The following MYOM1 variants were observed in gnomAD, a reference collection of about 807,000 sequenced individuals.
MYOM1 encodes the protein myomesin 1, also known as myomesin-1.
A neutral mutation model predicts 205.3 loss-of-function variants in MYOM1; 164 were observed. That is an observed-to-expected ratio of 0.80 (90% CI 0.70 to 0.91). The LOEUF (loss-of-function observed/expected upper bound fraction) is 0.91. Among genes scored for constraint, MYOM1 ranks in the 40% least tolerant of loss-of-function variants. The pLI is 0.00. For missense variants in MYOM1, 2,011 were observed against 2,127.3 expected (o/e 0.95, Z 1.08); for synonymous variants, 772 against 789.4 (o/e 0.98, Z 0.37).
Position 3,170,056 on chromosome 18 carries a change from A to G in MYOM1, c.1175-1075T>C, listed in dbSNP as rs180869464. Among the ~76,000 whole-genome samples, 3 of 152,236 alleles carry G rather than the reference A, an allele frequency of 2.0e-5. 1 individual carries two copies. The highest frequency in any genetic ancestry group is 4.4e-5 in the Non-Finnish European group (3 of 68,040). On this transcript the variant is annotated intron_variant, in intron 8 of 37. Transcript: ENST00000356443. ...AAGTAAGCCAGGCACAGAAGAACCGATATCATGTGTTCTCACTCAAATGTG... is the reference window on the plus strand; with the variant it reads ...AAGTAAGCCAGGCACAGAAGAACCGGTATCATGTGTTCTCACTCAAATGTG...
intron 2 of MYOM1, among the ~76,000 whole-genome samples, chr18:3,207,065 T>C (rs191514168): frequency 6.6e-6 from 1 of 152,336 alleles, no homozygotes; most frequent in Non-Finnish European, 1.5e-5. Context: ...TATTGCTTTA[T>C]TTTTTCCATG....
Position 3,151,854 on chromosome 18 carries a change from G to A in MYOM1, c.1683C>T (p.Asp561=). The A allele has an allele frequency of 6.2e-7, 1 of 1,613,436 alleles. No individual in the cohort carries two copies. Among genetic ancestry groups the A allele is most frequent in the South Asian group, 1.1e-5 (1 of 91,026 alleles). ...VGTDSWSQCN[D]TPVKFARFPV... ...GAAAACGAGCAAACTTCACAGGTGT[G>A]TCATTGCACTGCGACCAGCTATCTG... is the stretch of plus-strand genomic sequence containing the variant. The change falls in exon 12 of 38, where the codon GAC becomes GAT. Residue 561 remains aspartate (D), a synonymous_variant. Transcript: ENST00000356443.
Position 3,189,683 on chromosome 18 carries a change from T to C in MYOM1, c.432-596A>G, listed in dbSNP as rs1246181721. Among the ~76,000 whole-genome samples, 1 of 152,232 alleles carries C rather than the reference T, an allele frequency of 6.6e-6. No individual in the cohort carries two copies. On this transcript the variant is annotated intron_variant, in intron 3 of 37. Coordinates refer to ENST00000356443, the MANE Select transcript of MYOM1 (RefSeq NM_003803.4). This position sits in a 1 kb window ranked among gnomAD's most constrained non-coding sequence, Gnocchi z 4.8. ...CCAAGATAAATTATTATTTCTGTTT[T>C]AAATATATGGTAACGAAGTTCAGAT...
At chr18:3,235,778 A>C in the MYOM1 span, among the ~76,000 whole-genome samples, 1 of 152,156 alleles carries the variant, frequency 6.6e-6, no homozygotes, top group Admixed American at 6.5e-5. Flanking sequence ...ATAAACCGAG[A>C]GAGGGGAACG....
chr18:3,144,858 T>C (rs1044755275), intron 13 of MYOM1, among the ~76,000 whole-genome samples: 3 of 152,148 alleles, frequency 2.0e-5, no homozygotes, highest in African/African-American at 7.2e-5. Context: ...AATAGATAAA[T>C]GCACCATTTG....
the MYOM1 span, among the ~76,000 whole-genome samples, chr18:3,242,343 T>G: frequency 1.3e-5 from 2 of 152,224 alleles, no homozygotes; most frequent in Non-Finnish European, 2.9e-5. Flanking sequence ...ATAAGTCTCA[T>G]GAGATCTGAT....
At chr18:3,113,671 T>A (rs9652945) in intron 21 of MYOM1, among the ~76,000 whole-genome samples, 3 of 151,840 alleles carry the variant, frequency 2.0e-5, no homozygotes, top group Non-Finnish European at 4.4e-5. Context: ...GGGTTTTGAA[T>A]AATCTCATTA....
At chr18:3,242,595 G>A in the MYOM1 span, among the ~76,000 whole-genome samples, 2 of 152,080 alleles carry the variant, frequency 1.3e-5, no homozygotes, top group Non-Finnish European at 2.9e-5. Flanking sequence ...TGCAACCTCC[G>A]TCTCTCAGGT....
intron 1 of MYOM1, among the ~76,000 whole-genome samples, chr18:3,216,241 T>TG (rs1272629970): frequency 2.6e-5 from 4 of 152,150 alleles, no homozygotes; most frequent in Non-Finnish European, 5.9e-5. Flanking sequence ...CACTCCATAC[T>TG]GGGCAACAGA....
Position 3,116,532 on chromosome 18 carries a change from C to T in MYOM1, c.3119-17G>A. ...GCGGTGGTCCTGAGAGAGAGAGAAG[C>T]CAATGAGTAGAAATCATAACAGAGA... On this transcript the variant is annotated splice_polypyrimidine_tract_variant and intron_variant, in intron 20 of 37. Transcript: ENST00000356443. The T allele has an allele frequency of 6.7e-7, 1 of 1,497,076 alleles. No homozygotes were observed. The highest frequency in any genetic ancestry group is 8.9e-7 in the Non-Finnish European group (1 of 1,118,296). 92.7% of individuals were successfully genotyped at this position (1,497,076 alleles called of 1,614,324 possible).
chr18:3,133,305 T>C (rs1044981067), intron 16 of MYOM1, among the ~76,000 whole-genome samples: 1 of 152,118 alleles, frequency 6.6e-6, no homozygotes, highest in Non-Finnish European at 1.5e-5. Context: ...TGAGAAGTGA[T>C]CCAAGCCAGA....
Position 3,100,075 on chromosome 18 carries a change from C to T in MYOM1, c.3727+84G>A. 3 of 1,330,220 alleles carry T rather than the reference C, an allele frequency of 2.3e-6. No individual in the cohort carries two copies. The East Asian group carries it at 6.9e-5, about 31-fold the overall frequency. 82.4% of individuals were successfully genotyped at this position (1,330,220 alleles called of 1,614,324 possible). On this transcript the variant is annotated intron_variant, in intron 25 of 37. Transcript: ENST00000356443. ...TTCTCAAGAGTCTCTCTCTTAATCC[C>T]ATCAGAGCTGTCATCTGATCTATTC...
intron 2 of MYOM1, among the ~76,000 whole-genome samples, chr18:3,210,760 T>A (rs2081181833): frequency 6.6e-6 from 1 of 152,166 alleles, no homozygotes; most frequent in Admixed American, 6.5e-5. Context: ...AGTTGCTGAC[T>A]GTAACTGGCA....
At chr18:3,145,933 A>G (rs2080116177) in intron 13 of MYOM1, among the ~76,000 whole-genome samples, 1 of 152,138 alleles carries the variant, frequency 6.6e-6, no homozygotes, top group Non-Finnish European at 1.5e-5. Flanking sequence ...GAGAGAGGTG[A>G]CACCACTACA....
Position 3,215,268 on chromosome 18 carries a change from C to G in MYOM1, c.-28-17G>C. On this transcript the variant is annotated splice_polypyrimidine_tract_variant and intron_variant, in intron 1 of 37. Coordinates refer to ENST00000356443, the MANE Select transcript of MYOM1 (RefSeq NM_003803.4). ...CCGGGCCACCTGAAGGAAAACAACA[C>G]TTTTTGAGTGACTTATTAAGGAACA... 1 of 1,534,424 alleles carries G rather than the reference C, an allele frequency of 6.5e-7. No homozygotes were observed. The highest frequency in any genetic ancestry group is 8.8e-7 in the Non-Finnish European group (1 of 1,133,616).
intron 18 of MYOM1, among the ~76,000 whole-genome samples, chr18:3,127,305 ATTTTTT>A (rs1555620545): frequency 4.2e-5 from 2 of 47,568 alleles, no homozygotes; most frequent in Admixed American, 2.9e-4. Context: ...ATATATATAT[ATTTTTT>A]TTTTTTTTTT....
At chr18:3,124,676 G>A (rs936352290) in intron 19 of MYOM1, among the ~76,000 whole-genome samples, 2 of 152,008 alleles carry the variant, frequency 1.3e-5, no homozygotes, top group African/African-American at 4.8e-5. Flanking sequence ...CTCTGTGGGG[G>A]GGGGTTAATT....
the MYOM1 span, among the ~76,000 whole-genome samples, chr18:3,228,511 G>T: frequency 5.3e-5 from 8 of 149,714 alleles, no homozygotes; most frequent in East Asian, 5.9e-4. The surrounding 1 kb of genome is among the most constrained non-coding windows in gnomAD (Gnocchi z 4.5). Context: ...AAATCATATG[G>T]TTTTTTTTTT....
At chr18:3,109,700 A>T (rs1160169175) in intron 22 of MYOM1, among the ~76,000 whole-genome samples, 1 of 152,118 alleles carries the variant, frequency 6.6e-6, no homozygotes, top group Admixed American at 6.6e-5. Flanking sequence ...TCACTAGTCA[A>T]CTCCTCAACC....
Sources: allele counts gnomAD v4.1 joint callset (sites outside exome capture counted in the v4.1 genomes callset), GRCh38; gene constraint gnomAD v4.1.1; non-coding constraint Gnocchi (gnomAD v3.1); transcripts MANE v1.5; gene names NCBI Gene and HGNC (gene_info 2026-07-23, HGNC 2026-07-21).